The following IQSEC2 variants were observed in gnomAD, a reference collection of about 807,000 sequenced individuals.
The protein encoded by IQSEC2 is IQ motif and Sec7 domain ArfGEF 2.
In IQSEC2, 6 loss-of-function variants were observed where a neutral mutation model predicts 74.6. The ratio of observed to expected loss-of-function variants is 0.08; its 90% CI spans 0.04 to 0.16. The LOEUF is 0.16. Among genes scored for constraint, IQSEC2 ranks in the 10% least tolerant of loss-of-function variants. The pLI, the probability that IQSEC2 is intolerant of heterozygous loss-of-function variation, is 1.00. For synonymous variants in IQSEC2, 494 were observed against 544.5 expected (o/e 0.91, Z 1.29); for missense variants, 734 against 1,306.2 (o/e 0.56, Z 6.75).
At chrX:53,236,559 G>A (rs1366542663) in intron 12 of IQSEC2, 64 bp from the exon 13 acceptor site, 6 of 1,086,647 alleles carry the variant, frequency 5.5e-6, no homozygotes, top group Non-Finnish European at 6.2e-6. Context: ...CCATCTGACT[G>A]ACCCTAGCCC....
intron 2 of IQSEC2, among the ~76,000 whole-genome samples, chrX:53,265,956 T>C (rs933653859): frequency 7.1e-5 from 8 of 112,455 alleles, no homozygotes; most frequent in African/African-American, 2.3e-4. Flanking sequence ...GAAATAGAAA[T>C]CATAAAATTG....
Position 53,275,908 on chromosome X carries a change from A to G in IQSEC2, c.737+15987T>C, listed in dbSNP as rs1482802046. ...AGTAGAGATGGGGTTTCACCGTGTT[A>G]GCCAGGATAGTCTCGATCTCCTGAC... On this transcript the variant is annotated intron_variant, in intron 2 of 14. Transcript: ENST00000642864. Among the ~76,000 whole-genome samples the G allele has an allele frequency of 2.9e-5, 3 of 105,154 alleles. No homozygotes were observed. In the Admixed American group the frequency reaches 3.1e-4, roughly 11 times the overall value. The allele number at this position is 105,154 out of a possible 115,157, so 91.3% of individuals were successfully genotyped here. A position where few individuals can be genotyped will look rare whatever the true frequency, so the allele number is the denominator to read the frequency against.
rs146733088 is a variant in IQSEC2, at chrX:53,276,473, T to C, written c.737+15422A>G. ...ATTTTATTCTCTTCAATTATCTAAG[T>C]AGACAATCATACCATCCTCAAATAA... On this transcript the variant is annotated intron_variant, in intron 2 of 14. Coordinates refer to ENST00000642864, the MANE Select transcript of IQSEC2 (RefSeq NM_001111125.3). 4.0e-3 allele frequency among the ~76,000 whole-genome samples: 448 copies of C among 112,522 alleles called. 2 individuals are homozygous for C. Among genetic ancestry groups the C allele is most frequent in the African/African-American group, 0.014 (430 of 31,029 alleles).
rs2074072588 is a variant in IQSEC2, at chrX:53,232,919, A to G, written c.*1300T>C. The G allele has an allele frequency of 1.8e-5, 2 of 111,627 alleles. No homozygotes were observed. The highest frequency in any genetic ancestry group is 6.5e-5 in the African/African-American group (2 of 30,558). The allele number at this position is 111,627 out of a possible 1,213,427, so 9.2% of individuals were successfully genotyped here. On this transcript the variant is annotated 3_prime_UTR_variant, in exon 15 of 15. Coordinates refer to ENST00000642864, the MANE Select transcript of IQSEC2 (RefSeq NM_001111125.3). Reference sequence around the variant, plus strand: ...TGAGGCATCAAATATACATTCTTATATACAAGGAGGAAAAAAGACAATGCC... The same window carrying G: ...TGAGGCATCAAATATACATTCTTATGTACAAGGAGGAAAAAAGACAATGCC...
At chrX:53,248,683 A>G (rs1569300553) in intron 6 of IQSEC2, 38 bp downstream of exon 6, 2 of 1,196,819 alleles carry the variant, frequency 1.7e-6, no homozygotes, top group East Asian at 5.9e-5. Context: ...CTTTTCCAGG[A>G]ATCCCTGGCC....
chrX:53,285,062 G>T (rs2075012263), intron 2 of IQSEC2, among the ~76,000 whole-genome samples: 1 of 112,090 alleles, frequency 8.9e-6, no homozygotes, highest in Non-Finnish European at 1.9e-5. Context: ...AAACGTGGGT[G>T]CCAAACACTC....
rs2074667873 is a variant in IQSEC2, at chrX:53,266,892, G to C, written c.738-10831C>G. 6 of 554,121 alleles carry C rather than the reference G, an allele frequency of 1.1e-5. No individual in the cohort carries two copies. The South Asian group carries it at 1.5e-4, about 14-fold the overall frequency. 45.7% of individuals were successfully genotyped at this position (554,121 alleles called of 1,213,427 possible). A position where few individuals can be genotyped will look rare whatever the true frequency, so the allele number is the denominator to read the frequency against. ...AGGGTCCCATGGGGGAATCTGCGGG[G>C]GGGTGGGTGGGGGGAAGGAGGGGCT... On this transcript the variant is annotated intron_variant, in intron 2 of 14. Transcript: ENST00000642864.
intron 4 of IQSEC2, among the ~76,000 whole-genome samples, chrX:53,252,908 T>C (rs1316336060): frequency 8.9e-6 from 1 of 111,878 alleles, no homozygotes; most frequent in Non-Finnish European, 1.9e-5. Context: ...ATCTCCTATT[T>C]CCCATTCCTC....
intron 2 of IQSEC2, among the ~76,000 whole-genome samples, chrX:53,263,058 G>A (rs1419653789): frequency 8.9e-6 from 1 of 112,012 alleles, no homozygotes; most frequent in Admixed American, 9.4e-5. Context: ...CCCACCCTCT[G>A]TCCCAGGCAC....
intron 1 of IQSEC2, among the ~76,000 whole-genome samples, chrX:53,318,520 C>T (rs1174127800): frequency 1.8e-5 from 2 of 111,901 alleles, no homozygotes; most frequent in African/African-American, 3.3e-5. Flanking sequence ...TAACTGGGGA[C>T]GACCCAGGTC....
intron 1 of IQSEC2, among the ~76,000 whole-genome samples, chrX:53,319,254 G>C (rs1303979041): frequency 1.8e-5 from 2 of 112,408 alleles, no homozygotes; most frequent in Non-Finnish European, 3.8e-5. Flanking sequence ...TGAGAGGAGG[G>C]GGAAGCCTGT....
At chrX:53,302,445 G>A (rs959607630) in intron 1 of IQSEC2, among the ~76,000 whole-genome samples, 31 of 112,176 alleles carry the variant, frequency 2.8e-4, no homozygotes, top group African/African-American at 9.1e-4. Context: ...TTAGCCAGGC[G>A]TGGTGGCACC....
At chrX:53,304,188 G>A (rs916495792) in intron 1 of IQSEC2, among the ~76,000 whole-genome samples, 1 of 111,089 alleles carries the variant, frequency 9.0e-6, no homozygotes. Flanking sequence ...CTTTTCTAAG[G>A]AAGCCAAGAA....
intron 1 of IQSEC2, among the ~76,000 whole-genome samples, chrX:53,303,340 T>C (rs939289739): frequency 3.6e-5 from 4 of 111,181 alleles, no homozygotes; most frequent in African/African-American, 1.3e-4. Flanking sequence ...ACAGAGTGAC[T>C]TGAGGAATGA....
At chrX:53,293,900 G>A (rs2075126147) in intron 1 of IQSEC2, among the ~76,000 whole-genome samples, 1 of 111,331 alleles carries the variant, frequency 9.0e-6, no homozygotes, top group African/African-American at 3.3e-5. Context: ...TGCAAAGTGG[G>A]GGTTATTCAT....
intron 1 of IQSEC2, among the ~76,000 whole-genome samples, chrX:53,303,346 A>C (rs2075229756): frequency 9.0e-6 from 1 of 111,376 alleles, no homozygotes; most frequent in African/African-American, 3.3e-5. Context: ...TGACTTGAGG[A>C]ATGAGTGGAG....
At chrX:53,279,588 G>C (rs781783191) in intron 2 of IQSEC2, 2 of 1,195,735 alleles carry the variant, frequency 1.7e-6, no homozygotes, top group East Asian at 3.0e-5. Flanking sequence ...CCTGCCTGAG[G>C]GGGTAAGCTT....
intron 1 of IQSEC2, among the ~76,000 whole-genome samples, chrX:53,314,401 G>T (rs1314192006): frequency 8.9e-6 from 1 of 111,810 alleles, no homozygotes; most frequent in East Asian, 2.8e-4. Flanking sequence ...ATCTGAAGGG[G>T]GTCTCAGTCT....
chrX:53,277,956 C>G (rs2147240139), intron 2 of IQSEC2, among the ~76,000 whole-genome samples: 1 of 108,830 alleles, frequency 9.2e-6, no homozygotes, highest in South Asian at 4.0e-4. Context: ...CAGGCATGAG[C>G]CACTGTGTCC....
Sources: allele counts gnomAD v4.1 joint callset (sites outside exome capture counted in the v4.1 genomes callset), GRCh38; gene constraint gnomAD v4.1.1; transcripts MANE v1.5; gene names NCBI Gene and HGNC (gene_info 2026-07-23, HGNC 2026-07-21).